The following NR3C2 variants were observed in gnomAD, a reference collection of about 807,000 sequenced individuals.
NR3C2 encodes the protein mineralocorticoid receptor.
Under a neutral mutation model 86.4 loss-of-function variants are expected in NR3C2, and 15 were observed. The observed-to-expected ratio is 0.17, with a 90% CI of 0.12 to 0.27. NR3C2 has a LOEUF of 0.27. Among genes scored for constraint, NR3C2 ranks in the 10% least tolerant of loss-of-function variants. The probability of loss-of-function intolerance (pLI) is 1.00; values close to 1 mark genes in which losing one functional copy is unlikely to be tolerated. For missense variants in NR3C2, 960 were observed against 1,195.6 expected, an observed-to-expected ratio of 0.80 and a Z score of 2.91; for synonymous variants, 458 against 450.5, an observed-to-expected ratio of 1.02 and a Z score of -0.21.
chr4:148,286,405 A>G (rs1006171329), intron 2 of NR3C2, among the ~76,000 whole-genome samples: 1 of 152,250 alleles, frequency 6.6e-6, no homozygotes, highest in Non-Finnish European at 1.5e-5. Context: ...TCAGTTGTTT[A>G]GAGTCTACAG....
chr4:148,136,069 A>AC, intron 6 of NR3C2, among the ~76,000 whole-genome samples: 1 of 87,136 alleles, frequency 1.1e-5, no homozygotes, highest in African/African-American at 4.0e-5. Context: ...AAAAAAAAAA[A>AC]AAAAAAACAA....
At chr4:148,427,418 CCA>C (rs907812071) in intron 2 of NR3C2, among the ~76,000 whole-genome samples, 15 of 152,170 alleles carry the variant, frequency 9.9e-5, no homozygotes, top group African/African-American at 3.6e-4. Flanking sequence ...AAGTAGGTAT[CCA>C]CAGTGAAGAA....
chr4:148,365,319 T>C (rs971364639), intron 2 of NR3C2, among the ~76,000 whole-genome samples: 2 of 152,212 alleles, frequency 1.3e-5, no homozygotes, highest in African/African-American at 4.8e-5. Flanking sequence ...TGTGACATTA[T>C]ATCAGGGCTT....
At position 148,168,846 on chromosome 4, in the gene NR3C2, G is replaced by A. The variant is rs187231749; in HGVS notation, c.2015-13945C>T. On this transcript the variant is annotated intron_variant, in intron 4 of 8. Transcript: ENST00000358102. ...CAGCTCCTTAGCAGATAGCCAGTGA[G>A]TTGTCTTACCTGTGTGGGATGTGCC... Among the ~76,000 whole-genome samples the A allele has an allele frequency of 7.7e-4, 117 of 152,294 alleles. 1 individual carries two copies. The highest frequency in any genetic ancestry group is 2.7e-3 in the African/African-American group (114 of 41,556).
chr4:148,308,749 G>A (rs1742762356), intron 2 of NR3C2, among the ~76,000 whole-genome samples: 1 of 152,150 alleles, frequency 6.6e-6, no homozygotes. Flanking sequence ...ACTTTGGGAG[G>A]CCAAGATGGG....
chr4:148,412,022 T>C (rs1748732702), intron 2 of NR3C2, among the ~76,000 whole-genome samples: 3 of 152,202 alleles, frequency 2.0e-5, no homozygotes, highest in Admixed American at 6.5e-5. Flanking sequence ...CATCCAGTTG[T>C]TGCATTTACT....
chr4:148,206,795 T>C (rs1579011972), intron 3 of NR3C2, among the ~76,000 whole-genome samples: 1 of 152,156 alleles, frequency 6.6e-6, no homozygotes, highest in African/African-American at 2.4e-5. Flanking sequence ...AGATCATAAG[T>C]GTGCTGGAGC....
intron 2 of NR3C2, among the ~76,000 whole-genome samples, chr4:148,404,998 T>C (rs1272231593): frequency 6.6e-6 from 1 of 152,226 alleles, no homozygotes. Context: ...TATGTCAGTA[T>C]ACAAAGTTAC....
At chr4:148,320,626 G>T (rs1192187738) in intron 2 of NR3C2, among the ~76,000 whole-genome samples, 25 of 151,192 alleles carry the variant, frequency 1.7e-4, no homozygotes, top group South Asian at 1.0e-3. Context: ...TGTCGAAGAA[G>T]TTATCCATTT....
chr4:148,248,478 T>C (rs2149857162), intron 3 of NR3C2, among the ~76,000 whole-genome samples: 1 of 152,216 alleles, frequency 6.6e-6, no homozygotes, highest in Non-Finnish European at 1.5e-5. Flanking sequence ...TACAGTTAAT[T>C]AAAGGGAAAA....
chr4:148,213,259 A>G (rs1023541841), intron 3 of NR3C2, among the ~76,000 whole-genome samples: 2 of 152,186 alleles, frequency 1.3e-5, no homozygotes, highest in Non-Finnish European at 2.9e-5. Context: ...AAATAGCTGT[A>G]CAATAAAATT....
intron 8 of NR3C2, among the ~76,000 whole-genome samples, chr4:148,112,123 GAA>G (rs1228031314): frequency 6.8e-6 from 1 of 146,108 alleles, no homozygotes; most frequent in South Asian, 2.2e-4. Flanking sequence ...GCTGGTGGGG[GAA>G]AAAAAAAAAC....
chr4:148,377,354 T>G (rs1218137514), intron 2 of NR3C2, among the ~76,000 whole-genome samples: 1 of 152,182 alleles, frequency 6.6e-6, no homozygotes, highest in Non-Finnish European at 1.5e-5. Context: ...AATGATGGTG[T>G]TTCCTATGGA....
intron 2 of NR3C2, among the ~76,000 whole-genome samples, chr4:148,384,525 C>T (rs1178371107): frequency 6.6e-6 from 1 of 151,966 alleles, no homozygotes; most frequent in Non-Finnish European, 1.5e-5. Flanking sequence ...TGCATATCAA[C>T]AACATATGGT....
chr4:148,328,845 G>T (rs1744090209), intron 2 of NR3C2, among the ~76,000 whole-genome samples: 1 of 152,166 alleles, frequency 6.6e-6, no homozygotes, highest in Non-Finnish European at 1.5e-5. Flanking sequence ...CTAACCCAGG[G>T]CTTTCTGAGT....
chr4:148,209,550 G>A (rs1737180179), intron 3 of NR3C2, among the ~76,000 whole-genome samples: 1 of 152,112 alleles, frequency 6.6e-6, no homozygotes, highest in African/African-American at 2.4e-5. Flanking sequence ...CTCCTGCTAT[G>A]GCCTTCTGAA....
chr4:148,229,314 G>C (rs139234380), intron 3 of NR3C2, among the ~76,000 whole-genome samples: 2 of 152,164 alleles, frequency 1.3e-5, no homozygotes, highest in Non-Finnish European at 2.9e-5. Context: ...GTGGGAGCCT[G>C]TTGGCAGAAC....
At chr4:148,442,741 G>A, upstream of NR3C2, 2 of 985,402 alleles carry the variant, frequency 2.0e-6, no homozygotes, top group South Asian at 4.7e-5. Flanking sequence ...CAGCCGCGGC[G>A]GGAGCTTGGG....
chr4:148,089,643 G>A (rs1228204523), intron 8 of NR3C2, among the ~76,000 whole-genome samples: 1 of 152,158 alleles, frequency 6.6e-6, no homozygotes, highest in Non-Finnish European at 1.5e-5. Flanking sequence ...TAAAATGAGG[G>A]ATGGGAGAAC....
Sources: allele counts gnomAD v4.1 joint callset (sites outside exome capture counted in the v4.1 genomes callset), GRCh38; gene constraint gnomAD v4.1.1; transcripts MANE v1.5; gene names NCBI Gene and HGNC (gene_info 2026-07-23, HGNC 2026-07-21).